Variants in ENPP3 observed in about 807,000 individuals in gnomAD.
ENPP3 encodes the protein ectonucleotide pyrophosphatase/phosphodiesterase 3, also known as ectonucleotide pyrophosphatase/phosphodiesterase family member 3.
In ENPP3, 104 loss-of-function variants were observed where a neutral mutation model predicts 117.8. The observed-to-expected ratio is 0.88, with a 90% CI of 0.75 to 1.04. The LOEUF (loss-of-function observed/expected upper bound fraction) is 1.04. Among genes scored for constraint, ENPP3 ranks in the 50% least tolerant of loss-of-function variants. The pLI is 0.00. For synonymous variants in ENPP3, 380 were observed against 349.9 expected, an observed-to-expected ratio of 1.09 and a Z score of -0.96; for missense variants, 1,026 against 1,051.9, an observed-to-expected ratio of 0.98 and a Z score of 0.34.
rs746154183 is a variant in ENPP3 at position 131,722,232 on chromosome 6, C to T, written c.1573C>T (p.Leu525=). The change falls in exon 18 of 25, where the codon CTA becomes TTA. Residue 525 remains leucine, a synonymous_variant. Transcript: ENST00000357639. ...IEVYNLMCDL[L]RIQPAPNNGT... is the part of the protein sequence containing the mutation. The stretch of plus-strand genomic sequence containing the variant: ...CTAATTTTTTCAAAAAACAGATCTT[C>T]TACGCATTCAACCAGCACCAAACAA... 2 of 1,610,872 alleles carry T rather than the reference C, an allele frequency of 1.2e-6. No homozygotes were observed. Among genetic ancestry groups the T allele is most frequent in the South Asian group, 2.2e-5 (2 of 90,262 alleles).
chr6:131,698,321 G>A (rs1293308804), intron 15 of ENPP3, among the ~76,000 whole-genome samples: 1 of 141,384 alleles, frequency 7.1e-6, no homozygotes, highest in Non-Finnish European at 1.5e-5. Context: ...TTTCGGGAGG[G>A]GAGGAAAGAA....
intron 6 of ENPP3, among the ~76,000 whole-genome samples, chr6:131,661,830 T>C (rs939821979): frequency 1.3e-5 from 2 of 152,200 alleles, no homozygotes; most frequent in African/African-American, 4.8e-5. Flanking sequence ...GAAAGTGTTT[T>C]CCCCCATTTC....
At chr6:131,746,255 C>T (rs1780633283) in intron 24 of ENPP3, among the ~76,000 whole-genome samples, 1 of 151,970 alleles carries the variant, frequency 6.6e-6, no homozygotes, top group Non-Finnish European at 1.5e-5. Context: ...AATTGTTTTG[C>T]ATTTAAATGA....
rs1200480692 is a variant in ENPP3, at chr6:131,726,160, T to C, written c.1913T>C (p.Met638Thr). The C allele has an allele frequency of 6.2e-7, 1 of 1,613,916 alleles. No homozygotes were observed. The highest frequency in any genetic ancestry group is 8.5e-7 in the Non-Finnish European group (1 of 1,179,932). ...TATGTCAGTGGATTTGGAAAAGCTA[T>C]GAGGATGCCCATGTGGAGTTCATAC... ...REYVSGFGKA[M>T]RMPMWSSYTV... Residue 638 changes from methionine (M) to threonine (T), a missense_variant, in exon 20 of 25, where the codon ATG becomes ACG. Physicochemically the swap from Met to Thr is moderately conservative, Grantham distance 81 (BLOSUM62 -1). Coordinates refer to ENST00000357639, the MANE Select transcript of ENPP3 (RefSeq NM_005021.5).
intron 11 of ENPP3, among the ~76,000 whole-genome samples, chr6:131,680,470 G>A (rs1779000467): frequency 6.6e-6 from 1 of 152,166 alleles, no homozygotes; most frequent in East Asian, 1.9e-4. Flanking sequence ...CTCAAAGGAG[G>A]TGAAGATCTG....
intron 2 of ENPP3, among the ~76,000 whole-genome samples, chr6:131,645,604 A>G (rs1293729642): frequency 6.6e-6 from 1 of 152,194 alleles, no homozygotes; most frequent in African/African-American, 2.4e-5. Flanking sequence ...TGCATGAGAG[A>G]GATAACTTGA....
intron 21 of ENPP3, 138 bp downstream of exon 21, chr6:131,733,861 T>C (rs1473096536): frequency 2.4e-6 from 2 of 848,204 alleles, no homozygotes; most frequent in Non-Finnish European, 1.8e-6. Context: ...CCAGTGGTTG[T>C]GGCTGGCCAG....
chr6:131,742,150 A>T lies in ENPP3; in HGVS notation c.2457+1770A>T, dbSNP rs1780539947. On this transcript the variant is annotated intron_variant, in intron 24 of 24. Transcript: ENST00000357639. The stretch of plus-strand genomic sequence containing the variant: ...GAATAGTGAGCCACTCACTATTCTT[A>T]AAATGAGGAAGAAGAGTTTCTGAAC... Among the ~76,000 whole-genome samples the T allele has an allele frequency of 2.0e-5, 3 of 152,292 alleles. No homozygotes were observed. The South Asian group carries it at 6.2e-4, about 32-fold the overall frequency.
intron 7 of ENPP3, among the ~76,000 whole-genome samples, chr6:131,673,922 A>T (rs1486320493): frequency 1.2e-4 from 19 of 152,158 alleles, no homozygotes; most frequent in Admixed American, 1.2e-3. Flanking sequence ...CAAGCCATTT[A>T]CTAGCAGGGA....
At chr6:131,650,989 G>A (rs531196534) in intron 3 of ENPP3, among the ~76,000 whole-genome samples, 1 of 151,784 alleles carries the variant, frequency 6.6e-6, no homozygotes, top group Middle Eastern at 3.4e-3. Flanking sequence ...GCACAATCTT[G>A]GCTCACTGCA....
At chr6:131,716,052 G>A (rs1292955460) in intron 15 of ENPP3, among the ~76,000 whole-genome samples, 1 of 152,208 alleles carries the variant, frequency 6.6e-6, no homozygotes, top group Non-Finnish European at 1.5e-5. Context: ...TCTGGCATCA[G>A]GAGAGAAGTC....
At chr6:131,668,217 T>G (rs1424348766) in intron 6 of ENPP3, among the ~76,000 whole-genome samples, 1 of 142,298 alleles carries the variant, frequency 7.0e-6, no homozygotes. Flanking sequence ...TTTTTTTTTT[T>G]TTTTTTTTTT....
chr6:131,666,133 T>C (rs1394190646), intron 6 of ENPP3, among the ~76,000 whole-genome samples: 1 of 152,158 alleles, frequency 6.6e-6, no homozygotes, highest in Admixed American at 6.6e-5. Context: ...ATGTGATCTA[T>C]CCTGGAGAAT....
At chr6:131,720,253 A>G (rs1382663341) in intron 16 of ENPP3, 39 bp from the exon 17 acceptor site, 2 of 1,259,068 alleles carry the variant, frequency 1.6e-6, no homozygotes, top group Non-Finnish European at 2.2e-6. Context: ...TTGAATTTGG[A>G]TGACATCTAA....
At chr6:131,664,165 C>G (rs1778567229) in intron 6 of ENPP3, among the ~76,000 whole-genome samples, 1 of 152,088 alleles carries the variant, frequency 6.6e-6, no homozygotes, top group Non-Finnish European at 1.5e-5. Context: ...AAGATGACAG[C>G]TCTATGCATA....
intron 14 of ENPP3, among the ~76,000 whole-genome samples, chr6:131,686,393 T>C (rs1779153760): frequency 6.6e-6 from 1 of 152,196 alleles, no homozygotes; most frequent in South Asian, 2.1e-4. Flanking sequence ...CTTAAAGCAA[T>C]ATTTTTGGAA....
At chr6:131,708,615 G>C (rs1423220337) in intron 15 of ENPP3, 5 of 1,560,430 alleles carry the variant, frequency 3.2e-6, no homozygotes, top group Non-Finnish European at 4.3e-6. Context: ...GTCTTGCTGT[G>C]GTTCTGGATG....
chr6:131,638,251 T>C (rs1267706311), intron 1 of ENPP3, among the ~76,000 whole-genome samples: 2 of 152,164 alleles, frequency 1.3e-5, no homozygotes, highest in Non-Finnish European at 2.9e-5. Flanking sequence ...TCATTCTGAA[T>C]TATTCTCTCC....
At chr6:131,661,685 T>C (rs138509520) in intron 6 of ENPP3, among the ~76,000 whole-genome samples, 1 of 152,346 alleles carries the variant, frequency 6.6e-6, no homozygotes, top group Non-Finnish European at 1.5e-5. Flanking sequence ...AGATGCACAA[T>C]ATCTTTCTTC....
Sources: gnomAD v4.1 joint callset for allele counts (sites outside exome capture counted in the v4.1 genomes callset) on GRCh38, gnomAD v4.1.1 for gene constraint, MANE v1.5 for transcripts, NCBI Gene and HGNC (gene_info 2026-07-23, HGNC 2026-07-21) for gene names.